Variants in FAM13A observed in about 807,000 individuals in gnomAD.
FAM13A encodes protein FAM13A.
Under a neutral mutation model 129.6 loss-of-function variants are expected in FAM13A, and 76 were observed. The observed-to-expected ratio is 0.59, with a 90% confidence interval of 0.49 to 0.71. The LOEUF is 0.71. Among genes scored for constraint, FAM13A ranks in the 30% least tolerant of loss-of-function variants. The probability of loss-of-function intolerance (pLI) is 0.00; values close to 1 mark genes in which losing one functional copy is unlikely to be tolerated. For synonymous variants in FAM13A, 443 were observed against 449.9 expected, an observed-to-expected ratio of 0.98 and a Z score of 0.20; for missense variants, 1,108 against 1,249.3, an observed-to-expected ratio of 0.89 and a Z score of 1.70.
At chr4:88,870,435 C>T (rs1024767249) in intron 6 of FAM13A, among the ~76,000 whole-genome samples, 1 of 152,234 alleles carries the variant, frequency 6.6e-6, no homozygotes, top group African/African-American at 2.4e-5. Context: ...TGCCCTAATA[C>T]TGCAATTTTC....
chr4:88,954,766 A>T (rs1757483184), intron 4 of FAM13A, among the ~76,000 whole-genome samples: 2 of 151,928 alleles, frequency 1.3e-5, no homozygotes, highest in African/African-American at 4.8e-5. Context: ...CGCGCCTATA[A>T]TCACAGCTAC....
intron 19 of FAM13A, among the ~76,000 whole-genome samples, chr4:88,745,412 C>T (rs1244484585): frequency 1.3e-5 from 2 of 152,160 alleles, no homozygotes; most frequent in Non-Finnish European, 2.9e-5. Context: ...ACACAAAATA[C>T]TCAATTGGCA....
At chr4:88,779,496 G>A (rs1027207161) in intron 11 of FAM13A, among the ~76,000 whole-genome samples, 1 of 152,120 alleles carries the variant, frequency 6.6e-6, no homozygotes, top group African/African-American at 2.4e-5. Flanking sequence ...AAACATCTTT[G>A]AGAATACCCT....
chr4:89,029,398 C>T, intron 2 of FAM13A, 62 bp downstream of exon 2: 1 of 1,287,004 alleles, frequency 7.8e-7, no homozygotes. Context: ...ATAATTCACA[C>T]AAATAATTTG....
intron 3 of FAM13A, among the ~76,000 whole-genome samples, chr4:89,003,926 A>G (rs956746539): frequency 4.3e-4 from 65 of 152,186 alleles, no homozygotes; most frequent in African/African-American, 1.5e-3. Context: ...AAACCAATTA[A>G]AAGTTATTCA....
At chr4:88,800,014 T>C (rs1257345766) in intron 8 of FAM13A, among the ~76,000 whole-genome samples, 3 of 152,190 alleles carry the variant, frequency 2.0e-5, no homozygotes, top group African/African-American at 7.2e-5. Context: ...AACATGGATG[T>C]ACCCTGAGGT....
chr4:88,925,555 T>G (rs1471326600), intron 5 of FAM13A, among the ~76,000 whole-genome samples: 3 of 50,670 alleles, frequency 5.9e-5, no homozygotes, highest in African/African-American at 1.7e-4. Context: ...GGGACTGTTG[T>G]GGGGTGGGGG....
intron 4 of FAM13A, among the ~76,000 whole-genome samples, chr4:88,985,986 A>G (rs1252836373): frequency 6.6e-6 from 1 of 152,242 alleles, no homozygotes; most frequent in Non-Finnish European, 1.5e-5. Context: ...CTACATATAC[A>G]CACTTATTTT....
At chr4:88,803,983 G>A (rs538973333) in intron 8 of FAM13A, among the ~76,000 whole-genome samples, 25 of 152,240 alleles carry the variant, frequency 1.6e-4, no homozygotes, top group East Asian at 3.9e-4. Flanking sequence ...CAGGCCAGGC[G>A]TGGTGGCTCA....
intron 7 of FAM13A, among the ~76,000 whole-genome samples, chr4:88,845,269 T>G (rs1224127149): frequency 6.6e-6 from 1 of 151,558 alleles, no homozygotes; most frequent in Non-Finnish European, 1.5e-5. Flanking sequence ...CAGAACAAAG[T>G]TGAGAGGGAA....
intron 6 of FAM13A, among the ~76,000 whole-genome samples, chr4:88,885,434 C>G (rs376619064): frequency 2.0e-5 from 3 of 152,284 alleles, no homozygotes; most frequent in South Asian, 4.1e-4. Context: ...ACAAATAGTG[C>G]TGGGATAATT....
At chr4:88,995,204 T>C (rs937903718) in intron 3 of FAM13A, among the ~76,000 whole-genome samples, 9 of 151,338 alleles carry the variant, frequency 5.9e-5, no homozygotes, top group African/African-American at 2.2e-4. Context: ...ACAGTATATT[T>C]GTTTATCACA....
intron 4 of FAM13A, among the ~76,000 whole-genome samples, chr4:88,974,496 G>A (rs1760630575): frequency 2.0e-5 from 3 of 151,788 alleles, no homozygotes; most frequent in Admixed American, 6.6e-5. Context: ...TAATTTTTTT[G>A]AGACAGACTC....
At chr4:89,024,042 T>A (rs887400862) in intron 2 of FAM13A, among the ~76,000 whole-genome samples, 10 of 152,186 alleles carry the variant, frequency 6.6e-5, no homozygotes, top group African/African-American at 2.4e-4. Flanking sequence ...AACAGCAACT[T>A]AATAGTGGTT....
chr4:89,017,431 G>A (rs930433201), intron 3 of FAM13A, among the ~76,000 whole-genome samples: 5 of 151,872 alleles, frequency 3.3e-5, no homozygotes, highest in South Asian at 2.1e-4. Flanking sequence ...AGAATATGGC[G>A]ACTCACAAAG....
intron 7 of FAM13A, among the ~76,000 whole-genome samples, chr4:88,824,927 C>A (rs1037083489): frequency 6.6e-6 from 1 of 152,008 alleles, no homozygotes; most frequent in African/African-American, 2.4e-5. Flanking sequence ...AGGCTGGTCT[C>A]GAACTCCTGA....
chr4:88,924,032 C>G (rs1342971907), intron 5 of FAM13A, among the ~76,000 whole-genome samples: 3 of 152,094 alleles, frequency 2.0e-5, no homozygotes, highest in Admixed American at 2.0e-4. Flanking sequence ...AACTACAAAC[C>G]ACTGCTCAAT....
At position 88,728,563 on chromosome 4, in the gene FAM13A, G is replaced by T. The variant is rs752294802; in HGVS notation, c.3042C>A (p.Ser1014Arg). 9 of 1,614,162 alleles carry T rather than the reference G, an allele frequency of 5.6e-6. No homozygotes were observed. The Admixed American group carries it at 1.5e-4, about 27-fold the overall frequency. Residue 1014 changes from serine (S) to arginine (R), a missense_variant, in exon 24 of 24, where the codon AGC becomes AGA. Ser to Arg is a moderately radical substitution (Grantham distance 110). Coordinates refer to ENST00000264344, the MANE Select transcript of FAM13A (RefSeq NM_014883.4). The part of the protein sequence containing the change: ...AKLRLLEVLI[S>R]KRDTDSKSM ...TGGACTTGGAATCAGTGTCTCTCTT[G>T]CTGATGAGCACCTCCAGGAGCCTCA...
chr4:88,956,908 T>C (rs1362147232), intron 4 of FAM13A, among the ~76,000 whole-genome samples: 1 of 152,162 alleles, frequency 6.6e-6, no homozygotes, highest in Non-Finnish European at 1.5e-5. Flanking sequence ...TAACCCCAAA[T>C]GTTGGAGGTA....
Sources: gnomAD v4.1 joint callset for allele counts (sites outside exome capture counted in the v4.1 genomes callset) on GRCh38, gnomAD v4.1.1 for gene constraint, MANE v1.5 for transcripts, NCBI Gene and HGNC (gene_info 2026-07-23, HGNC 2026-07-21) for gene names.